Variants in BEST1 observed in about 807,000 individuals in gnomAD.
The protein encoded by BEST1 is bestrophin 1.
In BEST1, 58 loss-of-function variants were observed where a neutral mutation model predicts 63.3. The observed-to-expected ratio is 0.92, with a 90% CI of 0.74 to 1.14. The LOEUF is 1.14. Ranked by LOEUF, BEST1 falls within the 50% of genes most tolerant of loss-of-function variation. The pLI is 0.00. For synonymous variants in BEST1, 283 were observed against 291.6 expected (o/e 0.97, Z 0.30); for missense variants, 671 against 740.1 (o/e 0.91, Z 1.08).
At chr11:61,965,345 A>ACGTAT (rs759443253), downstream of BEST1, 1 of 1,612,642 alleles carries the variant, frequency 6.2e-7, no homozygotes, top group South Asian at 1.1e-5. Context: ...ATGAAGTATG[A>ACGTAT]CACCCCTAGG....
chr11:61,955,729 A>T lies in BEST1; in HGVS notation c.259A>T (p.Thr87Ser). The part of the protein sequence containing the change: ...PISFVLGFYV[T>S]LVVTRWWNQY... Reference sequence around the variant, plus strand: ...CCCCTCCTGCCCAGGCTTCTACGTGACGCTGGTCGTGACCCGCTGGTGGAA... The same window carrying T: ...CCCCTCCTGCCCAGGCTTCTACGTGTCGCTGGTCGTGACCCGCTGGTGGAA... The change falls in exon 4 of 11, where the codon ACG becomes TCG. Residue 87 changes from threonine (T) to serine (S), a missense_variant. Physicochemically the swap from Thr to Ser is moderately conservative, Grantham distance 58. Transcript: ENST00000378043. 1 of 1,539,520 alleles carries T rather than the reference A, an allele frequency of 6.5e-7. No homozygotes were observed. The highest frequency in any genetic ancestry group is 8.8e-7 in the Non-Finnish European group (1 of 1,139,902).
chr11:61,957,480 G>C lies in BEST1; in HGVS notation c.714+16G>C. ...GTATACACAGGTGAGGACTAGGCTG[G>C]TGAGGCTGCCCTTTTGGGAAACTGA... is the stretch of plus-strand genomic sequence containing the variant. On this transcript the variant is annotated intron_variant, in intron 6 of 10. Transcript: ENST00000378043. 1 of 1,612,884 alleles carries C rather than the reference G, an allele frequency of 6.2e-7. No individual in the cohort carries two copies. Among genetic ancestry groups the C allele is most frequent in the African/African-American group, 1.3e-5 (1 of 74,986 alleles).
chr11:61,960,181 TTAAC>T (rs1941918348), intron 9 of BEST1, 138 bp downstream of exon 9: 2 of 1,189,454 alleles, frequency 1.7e-6, no homozygotes, highest in Non-Finnish European at 2.3e-6. Flanking sequence ...TTTATAAACA[TTAAC>T]TATTTTTTTC....
rs1407456390 is a variant in BEST1, at chr11:61,952,962, G to A, written c.152+1004G>A. On this transcript the variant is annotated intron_variant, in intron 2 of 10. Transcript: ENST00000378043. The stretch of plus-strand genomic sequence containing the variant: ...ACCAAAAATTTAAAAAATTAGCTGG[G>A]AGTGGTGGCATTTGCCTGTGGTCCC... 2.0e-5 allele frequency among the ~76,000 whole-genome samples: 3 copies of A among 151,962 alleles called. No homozygotes were observed. In the East Asian group the frequency reaches 5.9e-4, roughly 30 times the overall value.
At chr11:61,950,797 A>G (rs1192458914) in intron 1 of BEST1, among the ~76,000 whole-genome samples, 3 of 152,190 alleles carry the variant, frequency 2.0e-5, no homozygotes, top group Non-Finnish European at 2.9e-5. Flanking sequence ...CTCTCTAGAA[A>G]TATCAAGCAA....
chr11:61,953,616 C>T lies in BEST1; in HGVS notation c.153-1491C>T, dbSNP rs180950562. Among the ~76,000 whole-genome samples, 64 of 152,114 alleles carry T rather than the reference C, an allele frequency of 4.2e-4. No homozygotes were observed. In the East Asian group the frequency reaches 0.011, roughly 27 times the overall value. On this transcript the variant is annotated intron_variant, in intron 2 of 10. Coordinates refer to ENST00000378043, the MANE Select transcript of BEST1 (RefSeq NM_004183.4). ...TTCCAGCTACTCAGGAGGATGAGGCCGGAGAATCGCTTGAGCCCGGGAGGC... is the reference window on the plus strand; with the variant it reads ...TTCCAGCTACTCAGGAGGATGAGGCTGGAGAATCGCTTGAGCCCGGGAGGC...
rs1410160320 is a variant in BEST1 at position 61,959,358 on chromosome 11, C to CTAAA, written c.868-139_868-136dup. On this transcript the variant is annotated intron_variant, in intron 7 of 10. Transcript: ENST00000378043. ...CCCACAAGTGTGGGGGGCTGGAGCC[C>CTAAA]TAAACTCTGCCTTTGAAGACAGTGG... The CTAAA allele has an allele frequency of 3.7e-6, 3 of 815,934 alleles. No individual in the cohort carries two copies. The East Asian group carries it at 8.0e-5, about 22-fold the overall frequency. 50.5% of individuals were successfully genotyped at this position (815,934 alleles called of 1,614,324 possible).
intron 10 of BEST1, 31 bp from the exon 11 acceptor site, chr11:61,964,073 C>T (rs760346820): frequency 6.2e-7 from 1 of 1,612,934 alleles, no homozygotes; most frequent in South Asian, 1.1e-5. Flanking sequence ...ACCTTCCATA[C>T]TTATGCTGTT....
chr11:61,961,949 G>A (rs1004633460), intron 9 of BEST1: 7 of 429,038 alleles, frequency 1.6e-5, no homozygotes, highest in Non-Finnish European at 3.0e-5. Context: ...TGCCTGGAGT[G>A]AGGGGTTTTA....
rs1941170600 is a variant in BEST1, at chr11:61,955,255, C to G, written c.247+54C>G. The G allele has an allele frequency of 3.7e-6, 6 of 1,613,708 alleles. No homozygotes were observed. In the Admixed American group the frequency reaches 5.0e-5, roughly 13 times the overall value. ...TCCCTGTGGCCGCCCAGGCTCCAGA[C>G]AGGCCAGGGGAGGATCACGAGGAGC... On this transcript the variant is annotated intron_variant, in intron 3 of 10. Transcript: ENST00000378043.
chr11:61,965,288 G>A, downstream of BEST1: 1 of 1,597,540 alleles, frequency 6.3e-7, no homozygotes, highest in Non-Finnish European at 8.6e-7. Flanking sequence ...CTTTATAAGG[G>A]CAATTGCTAG....
downstream of BEST1, chr11:61,964,543 C>A: frequency 1.4e-6 from 1 of 720,020 alleles, no homozygotes; most frequent in Non-Finnish European, 2.3e-6. Flanking sequence ...CTGATTCATC[C>A]CAAGACCTCA....
chr11:61,964,575 A>C, downstream of BEST1: 6 of 897,348 alleles, frequency 6.7e-6, no homozygotes, highest in Non-Finnish European at 8.7e-6. Flanking sequence ...TGGGTACCAA[A>C]TTTCTTTATT....
Position 61,959,917 on chromosome 11 carries a change from T to C in BEST1, c.974T>C (p.Met325Thr), listed in dbSNP as rs368387447. The C allele has an allele frequency of 2.8e-5, 45 of 1,613,668 alleles. No individual in the cohort carries two copies. In the Admixed American group the frequency reaches 3.0e-4, roughly 11 times the overall value. ...LQVSLLAVDE[M>T]HQDLPRMEPD... The stretch of plus-strand genomic sequence containing the variant: ...GTGTCCCTGTTGGCTGTGGATGAGA[T>C]GCACCAGGACCTGCCTCGGATGGAG... The change falls in exon 9 of 11, where the codon ATG (methionine) becomes ACG (threonine). Residue 325 changes from methionine to threonine, a missense_variant. Met to Thr is a moderately conservative substitution (Grantham distance 81). Transcript: ENST00000378043.
chr11:61,963,254 G>A, intron 10 of BEST1: 1 of 1,379,720 alleles, frequency 7.2e-7, no homozygotes. Flanking sequence ...GAGCAAGGGT[G>A]GCTGACCCAA....
At chr11:61,959,681 C>CCCTT (rs1355163853) in intron 8 of BEST1, 103 bp downstream of exon 8, 2 of 1,362,908 alleles carry the variant, frequency 1.5e-6, no homozygotes, top group Non-Finnish European at 1.0e-6. Flanking sequence ...GAATGATCAA[C>CCCTT]CCTTCCCCTC....
Position 61,955,512 on chromosome 11 carries a change from C to T in BEST1, c.248-206C>T. ...CGGATTTCTGGGACCAGCAGGGGGA[C>T]CCCCGGGTGACAGAACCCTTGGGGC... is the stretch of plus-strand genomic sequence containing the variant. On this transcript the variant is annotated intron_variant, in intron 3 of 10. Transcript: ENST00000378043. 6 of 1,057,942 alleles carry T rather than the reference C, an allele frequency of 5.7e-6. No homozygotes were observed. In the South Asian group the frequency reaches 8.4e-5, roughly 15 times the overall value. The allele number at this position is 1,057,942 out of a possible 1,614,324, so 65.5% of individuals were successfully genotyped here. A position where few individuals can be genotyped will look rare whatever the true frequency, so the allele number is the denominator to read the frequency against.
At position 61,962,871 on chromosome 11, in the gene BEST1, C is replaced by A; in HGVS notation, c.1717C>A (p.Pro573Thr). 6.2e-7 allele frequency: 1 copy of A among 1,614,172 alleles called. No individual in the cohort carries two copies. Residue 573 changes from proline to threonine, a missense_variant, in exon 10 of 11, where the codon CCT becomes ACT. Transcript: ENST00000378043. The part of the protein sequence containing the change: ...IHTTLKDHMD[P>T]YWALENRDEA... ...CACTACACTCAAAGATCACATGGAT[C>A]CTTATTGGGCCTTGGAAAACAGGTC...
chr11:61,958,395 G>A lies in BEST1; in HGVS notation c.867+97G>A, dbSNP rs554725612. On this transcript the variant is annotated intron_variant, in intron 7 of 10. Coordinates refer to ENST00000378043, the MANE Select transcript of BEST1 (RefSeq NM_004183.4). ...GAGGATGCAGTGTCAGGAAAGGAAG[G>A]TCTCACGGGTAGAAAGCAGCCAGGC... 9 of 1,593,366 alleles carry A rather than the reference G, an allele frequency of 5.6e-6. No homozygotes were observed. The highest frequency in any genetic ancestry group is 2.3e-5 in the East Asian group (1 of 44,052).
Sources: gnomAD v4.1 joint callset for allele counts (sites outside exome capture counted in the v4.1 genomes callset) on GRCh38, gnomAD v4.1.1 for gene constraint, MANE v1.5 for transcripts, NCBI Gene and HGNC (gene_info 2026-07-23, HGNC 2026-07-21) for gene names.